The following PFDN1 variants were observed in gnomAD, a reference collection of about 807,000 sequenced individuals.
The protein encoded by PFDN1 is prefoldin subunit 1, also known as prefoldin 1.
PFDN1 carries 6 observed loss-of-function variants against 17.3 expected under a neutral mutation model. The ratio of observed to expected loss-of-function variants is 0.35; its 90% confidence interval spans 0.19 to 0.69. The LOEUF (loss-of-function observed/expected upper bound fraction) is 0.69, where lower values mean the gene tolerates loss of function less well. Among genes scored for constraint, PFDN1 ranks in the 30% least tolerant of loss-of-function variants. PFDN1 has a pLI of 0.65. For synonymous variants in PFDN1, 58 were observed against 50.1 expected (o/e 1.16, Z -0.67); for missense variants, 113 against 146.2 (o/e 0.77, Z 1.17).
rs150480779 is a variant in PFDN1, at chr5:140,256,767, C to T, written c.286-10710G>A. Among the ~76,000 whole-genome samples the T allele has an allele frequency of 9.3e-3, 1,403 of 150,936 alleles. 74 individuals are homozygous for T. Among genetic ancestry groups the T allele is most frequent in the Admixed American group, 0.084 (1,271 of 15,172 alleles). ...TCCCCACACCTTCCATCCAATCCATCGGCAAATCTTATTAGCTTACTTCCA... is the reference window on the plus strand; with the variant it reads ...TCCCCACACCTTCCATCCAATCCATTGGCAAATCTTATTAGCTTACTTCCA... On this transcript the variant is annotated intron_variant, in intron 3 of 3. Transcript: ENST00000261813.
chr5:140,274,164 A>T (rs2126688002), intron 3 of PFDN1, among the ~76,000 whole-genome samples: 1 of 152,240 alleles, frequency 6.6e-6, no homozygotes, highest in Non-Finnish European at 1.5e-5. Flanking sequence ...TGAATTTCCC[A>T]CTCTTTAGAA....
chr5:140,270,767 T>C lies in PFDN1; in HGVS notation c.285+10682A>G, dbSNP rs529620865. ...GGTGAAACCCTGTCTCTTCTAAAAA[T>C]ACAAAAAAATTAGCCGGGCGTGGTG... On this transcript the variant is annotated intron_variant, in intron 3 of 3. Transcript: ENST00000261813. Among the ~76,000 whole-genome samples the C allele has an allele frequency of 2.6e-5, 4 of 151,922 alleles. No homozygotes were observed. The South Asian group carries it at 8.3e-4, about 32-fold the overall frequency.
rs1765571800 is a variant in PFDN1, at chr5:140,290,938, A to G, written c.201-9405T>C. Among the ~76,000 whole-genome samples, 9 of 152,350 alleles carry G rather than the reference A, an allele frequency of 5.9e-5. No homozygotes were observed. The South Asian group carries it at 1.9e-3, about 32-fold the overall frequency. ...GGTACGATGAAGAAAAATAAAGCCAACAAGGGGCAAATAAGTGTGGGTGCT... is the reference window on the plus strand; with the variant it reads ...GGTACGATGAAGAAAAATAAAGCCAGCAAGGGGCAAATAAGTGTGGGTGCT... On this transcript the variant is annotated intron_variant, in intron 2 of 3. Coordinates refer to ENST00000261813, the MANE Select transcript of PFDN1 (RefSeq NM_002622.5).
intron 3 of PFDN1, among the ~76,000 whole-genome samples, chr5:140,247,744 G>GCCTGGCCAAC (rs1289158076): frequency 6.6e-6 from 1 of 152,146 alleles, no homozygotes; most frequent in Non-Finnish European, 1.5e-5. Flanking sequence ...TTTAAGACCA[G>GCCTGGCCAAC]CCTGGCCAAC....
chr5:140,290,018 C>T (rs753768980), intron 2 of PFDN1, among the ~76,000 whole-genome samples: 21 of 152,156 alleles, frequency 1.4e-4, no homozygotes, highest in East Asian at 3.8e-4. Context: ...AATATATCAA[C>T]GGTTTTCATA....
At chr5:140,291,669 CA>C (rs70988743) in intron 2 of PFDN1, among the ~76,000 whole-genome samples, 68,436 of 144,750 alleles carry the variant, frequency 0.47, 15,879 homozygotes, top group South Asian at 0.71. Flanking sequence ...TACATATAGA[CA>C]AAAAAAAAGA....
In PFDN1 at chr5:140,291,675, A is replaced by C. The variant is rs2126699188; in HGVS notation, c.200+8741T>G. Among the ~76,000 whole-genome samples, 6 of 152,226 alleles carry C rather than the reference A, an allele frequency of 3.9e-5. No homozygotes were observed. In the Middle Eastern group the frequency reaches 0.014, roughly 345 times the overall value. On this transcript the variant is annotated intron_variant, in intron 2 of 3. Transcript: ENST00000261813. ...GAGACTGAGTACATATAGACAAAAA[A>C]AAAGAAAAAAAAAATCCAAGGGCTA...
chr5:140,267,045 T>C (rs1006492072), intron 3 of PFDN1, among the ~76,000 whole-genome samples: 7 of 151,198 alleles, frequency 4.6e-5, no homozygotes, highest in Non-Finnish European at 1.0e-4. Flanking sequence ...AATGCAGGTG[T>C]ACTGGAATCA....
At chr5:140,247,277 C>A (rs950437923) in intron 3 of PFDN1, among the ~76,000 whole-genome samples, 1 of 152,008 alleles carries the variant, frequency 6.6e-6, no homozygotes, top group Non-Finnish European at 1.5e-5. Flanking sequence ...ATGTGTACCA[C>A]CATGCCCGGC....
intron 3 of PFDN1, among the ~76,000 whole-genome samples, chr5:140,270,665 C>T (rs1765193133): frequency 6.6e-6 from 1 of 152,194 alleles, no homozygotes; most frequent in South Asian, 2.1e-4. Flanking sequence ...ATGGCTTATG[C>T]CTGTAATCCC....
intron 3 of PFDN1, among the ~76,000 whole-genome samples, chr5:140,272,529 T>C (rs1362764306): frequency 6.6e-6 from 1 of 151,368 alleles, no homozygotes; most frequent in Non-Finnish European, 1.5e-5. Flanking sequence ...CCGGCTAATT[T>C]TTGTAGTTTT....
intron 3 of PFDN1, among the ~76,000 whole-genome samples, chr5:140,248,152 TCCGCCTCCCGGGTTCACACGATTCTC>T (rs1764859380): frequency 6.8e-6 from 1 of 147,648 alleles, no homozygotes; most frequent in Non-Finnish European, 1.5e-5. Context: ...CACTGCAACC[TCCGCCTCCCGGGTTCACACGATTCTC>T]CCGCCTCAGC....
chr5:140,257,956 G>A (rs566841445), intron 3 of PFDN1, among the ~76,000 whole-genome samples: 1 of 152,316 alleles, frequency 6.6e-6, no homozygotes, highest in East Asian at 1.9e-4. Flanking sequence ...GAATTAACAA[G>A]AGGAGAGGTG....
intron 3 of PFDN1, among the ~76,000 whole-genome samples, chr5:140,280,014 C>CCAAAAAAAAAAAAAAAAAAAAAAA (rs1335205089): frequency 5.0e-5 from 5 of 99,126 alleles, no homozygotes; most frequent in Non-Finnish European, 7.5e-5. Flanking sequence ...AAAAAAAAAA[C>CCAAAAAAAAAAAAAAAAAAAAAAA]AAAAAAAGAA....
intron 3 of PFDN1, 81 bp from the exon 4 acceptor site, chr5:140,246,138 T>C: frequency 1.2e-6 from 1 of 857,016 alleles, no homozygotes; most frequent in Non-Finnish European, 1.9e-6. Flanking sequence ...GTCCAATGGT[T>C]ATGGCTTTTC....
intron 3 of PFDN1, among the ~76,000 whole-genome samples, chr5:140,264,331 A>C (rs1287698523): frequency 1.3e-5 from 2 of 152,082 alleles, no homozygotes. Flanking sequence ...CCAAACACTA[A>C]GTATGTCATT....
Position 140,245,263 on chromosome 5 carries a change from C to T in PFDN1, c.*711G>A, listed in dbSNP as rs914484597. 9.3e-6 allele frequency: 5 copies of T among 537,522 alleles called. No individual in the cohort carries two copies. The highest frequency in any genetic ancestry group is 3.1e-5 in the East Asian group (1 of 31,934). The allele number at this position is 537,522 out of a possible 1,614,324, so 33.3% of individuals were successfully genotyped here. On this transcript the variant is annotated 3_prime_UTR_variant, in exon 4 of 4. Coordinates refer to ENST00000261813, the MANE Select transcript of PFDN1 (RefSeq NM_002622.5). ...CCTCTAGGAGGCCTCAGGATTATGG[C>T]GTCCATCTTATGATATTGGCCAAAA...
intron 3 of PFDN1, among the ~76,000 whole-genome samples, chr5:140,267,725 G>A (rs113334932): frequency 6.7e-6 from 1 of 149,418 alleles, no homozygotes; most frequent in African/African-American, 2.5e-5. Flanking sequence ...AATAGCTAAA[G>A]GGACGGGGGA....
chr5:140,248,489 G>A (rs1764864647), intron 3 of PFDN1, among the ~76,000 whole-genome samples: 1 of 152,228 alleles, frequency 6.6e-6, no homozygotes, highest in South Asian at 2.1e-4. Context: ...ATAGCTCGGT[G>A]CCATACACCA....
Sources: gnomAD v4.1 joint callset for allele counts (sites outside exome capture counted in the v4.1 genomes callset) on GRCh38, gnomAD v4.1.1 for gene constraint, MANE v1.5 for transcripts, NCBI Gene and HGNC (gene_info 2026-07-23, HGNC 2026-07-21) for gene names.